Variants in MYO3B observed in about 807,000 individuals in gnomAD.
MYO3B encodes myosin IIIB, also known as myosin-IIIb.
A neutral mutation model predicts 174.6 loss-of-function variants in MYO3B; 156 were observed. The observed-to-expected ratio is 0.89, with a 90% CI of 0.78 to 1.02. MYO3B has a LOEUF of 1.02. Ranked by LOEUF, MYO3B falls within the 50% of genes least tolerant of loss-of-function variation. The pLI is 0.00. For synonymous variants in MYO3B, 563 were observed against 569.1 expected (o/e 0.99, Z 0.15); for missense variants, 1,632 against 1,639.4 (o/e 1.00, Z 0.08).
intron 8 of MYO3B, among the ~76,000 whole-genome samples, chr2:170,359,703 C>G (rs1261335417): frequency 1.3e-5 from 2 of 152,188 alleles, no homozygotes; most frequent in African/African-American, 4.8e-5. Flanking sequence ...GTCAATACCC[C>G]TTTTGTTCTT....
At chr2:170,561,430 A>C (rs1691704740) in intron 32 of MYO3B, among the ~76,000 whole-genome samples, 1 of 152,232 alleles carries the variant, frequency 6.6e-6, no homozygotes, top group African/African-American at 2.4e-5. Context: ...ACAAATGGTC[A>C]TCCATGCTAA....
At chr2:170,291,360 G>A (rs1159433948) in intron 7 of MYO3B, among the ~76,000 whole-genome samples, 1 of 152,100 alleles carries the variant, frequency 6.6e-6, no homozygotes, top group Non-Finnish European at 1.5e-5. Context: ...AGTTTACATA[G>A]TTTTATATTA....
At chr2:170,583,449 C>T (rs111412217) in intron 32 of MYO3B, among the ~76,000 whole-genome samples, 221 of 152,186 alleles carry the variant, frequency 1.5e-3, no homozygotes, top group African/African-American at 4.8e-3. Context: ...GTCAAGGCTA[C>T]GAGCTTGGTT....
intron 32 of MYO3B, among the ~76,000 whole-genome samples, chr2:170,559,871 A>G (rs1364864165): frequency 6.6e-6 from 1 of 152,030 alleles, no homozygotes. Context: ...TATTACACTA[A>G]AATTCCCTGT....
chr2:170,486,675 A>T (rs1217622063), intron 25 of MYO3B, among the ~76,000 whole-genome samples: 1 of 152,186 alleles, frequency 6.6e-6, no homozygotes, highest in Non-Finnish European at 1.5e-5. Flanking sequence ...AGGGTCATCC[A>T]GTCCAACTAC....
In MYO3B at chr2:170,391,594, G is replaced by C; in HGVS notation, c.1652G>C (p.Arg551Thr). 1 of 1,585,636 alleles carries C rather than the reference G, an allele frequency of 6.3e-7. No homozygotes were observed. The highest frequency in any genetic ancestry group is 8.6e-7 in the Non-Finnish European group (1 of 1,168,784). ...LHHQKKLSDFRLPEEKPPRYI... is the reference protein window; with the variant it reads ...LHHQKKLSDFTLPEEKPPRYI... ...CACCAAAAGAAGCTTTCTGATTTCA[G>C]ACTTCCTGAGGAAAAACCTCCTAGG... The change falls in exon 15 of 35, where the codon AGA (arginine) becomes ACA (threonine). Residue 551 changes from arginine to threonine, a missense_variant. Transcript: ENST00000408978.
At chr2:170,596,744 G>C (rs1377324607) in intron 32 of MYO3B, among the ~76,000 whole-genome samples, 2 of 152,156 alleles carry the variant, frequency 1.3e-5, no homozygotes, top group East Asian at 3.9e-4. Flanking sequence ...ATAAGAAATG[G>C]TGCATTTTGT....
rs141431094 is a variant in MYO3B, at chr2:170,653,433, C to A, written c.*312C>A. ...CCCCCAGTGTCTAGGAAGATAACAG[C>A]CAGTCTCACCCCAGTCTAATCATGG... On this transcript the variant is annotated 3_prime_UTR_variant, in exon 35 of 35. Transcript: ENST00000408978. 4.0e-4 allele frequency: 124 copies of A among 308,426 alleles called. No homozygotes were observed. Among genetic ancestry groups the A allele is most frequent in the African/African-American group, 2.3e-3 (109 of 47,856 alleles). 19.1% of individuals were successfully genotyped at this position (308,426 alleles called of 1,614,324 possible). A position where few individuals can be genotyped will look rare whatever the true frequency, so the allele number is the denominator to read the frequency against.
intron 7 of MYO3B, among the ~76,000 whole-genome samples, chr2:170,276,836 G>C (rs1258012038): frequency 6.6e-6 from 1 of 151,826 alleles, no homozygotes; most frequent in Non-Finnish European, 1.5e-5. Context: ...CTGTTTTTTT[G>C]CTTTATAATG....
At chr2:170,503,084 A>G (rs1345353023) in intron 28 of MYO3B, among the ~76,000 whole-genome samples, 1 of 152,226 alleles carries the variant, frequency 6.6e-6, no homozygotes, top group Non-Finnish European at 1.5e-5. Flanking sequence ...CCTGCCTCCC[A>G]ACACGCACAC....
rs149222348 is a variant in MYO3B at position 170,559,064 on chromosome 2, A to C, written c.3733+15076A>C. 2.0e-3 allele frequency among the ~76,000 whole-genome samples: 312 copies of C among 152,332 alleles called. 3 individuals are homozygous for C. Among genetic ancestry groups the C allele is most frequent in the African/African-American group, 6.8e-3 (284 of 41,572 alleles). On this transcript the variant is annotated intron_variant, in intron 32 of 34. Coordinates refer to ENST00000408978, the MANE Select transcript of MYO3B (RefSeq NM_138995.5). ...GTTTTCTACAGAGTTAATATGGCCT[A>C]ACCTATCCAGATTTAAGATTGTAGA...
intron 25 of MYO3B, among the ~76,000 whole-genome samples, chr2:170,472,358 T>C (rs1051619153): frequency 5.9e-5 from 9 of 152,164 alleles, no homozygotes; most frequent in African/African-American, 9.6e-5. Context: ...CCAGCCAAAA[T>C]TGAATTACTT....
intron 32 of MYO3B, among the ~76,000 whole-genome samples, chr2:170,570,091 G>T (rs55704273): frequency 0.3 from 46,276 of 152,076 alleles, 8,219 homozygotes; most frequent in Non-Finnish European, 0.39. Context: ...ACACTGGTGT[G>T]ATTCTGGAGG....
chr2:170,434,248 G>C (rs1558997148), intron 22 of MYO3B, among the ~76,000 whole-genome samples: 1 of 152,118 alleles, frequency 6.6e-6, no homozygotes, highest in East Asian at 1.9e-4. Context: ...AGAGTACAGT[G>C]GTGTGATCAT....
intron 7 of MYO3B, among the ~76,000 whole-genome samples, chr2:170,299,759 C>T (rs1170200681): frequency 6.6e-6 from 1 of 152,164 alleles, no homozygotes; most frequent in African/African-American, 2.4e-5. Context: ...GGAAATAAAC[C>T]CAATTCTTAG....
intron 28 of MYO3B, among the ~76,000 whole-genome samples, chr2:170,503,459 CTT>C (rs10650053): frequency 0.061 from 5,975 of 97,572 alleles, 536 homozygotes; most frequent in African/African-American, 0.18. Flanking sequence ...GGGTGTCTCC[CTT>C]TTTTTTTTTT....
chr2:170,588,146 C>T (rs1367561447), intron 32 of MYO3B, among the ~76,000 whole-genome samples: 1 of 152,004 alleles, frequency 6.6e-6, no homozygotes, highest in African/African-American at 2.4e-5. Context: ...AATAAACACA[C>T]ACAAGACAGG....
chr2:170,238,806 A>G (rs1559326294), intron 7 of MYO3B, among the ~76,000 whole-genome samples: 2 of 152,242 alleles, frequency 1.3e-5, no homozygotes, highest in African/African-American at 2.4e-5. Context: ...ATAGGTGGCA[A>G]CTTGCCTTGA....
At chr2:170,610,842 A>G (rs1695087529) in intron 32 of MYO3B, among the ~76,000 whole-genome samples, 1 of 152,204 alleles carries the variant, frequency 6.6e-6, no homozygotes, top group Non-Finnish European at 1.5e-5. Flanking sequence ...TTGATGTGAG[A>G]TGCTTGTTCT....
Sources: gnomAD v4.1 joint callset for allele counts (sites outside exome capture counted in the v4.1 genomes callset) on GRCh38, gnomAD v4.1.1 for gene constraint, MANE v1.5 for transcripts, NCBI Gene and HGNC (gene_info 2026-07-23, HGNC 2026-07-21) for gene names.